The following TCF12 variants were observed in gnomAD, a reference collection of about 807,000 sequenced individuals.
The protein encoded by TCF12 is transcription factor 12, also known as DNA-binding protein HTF4.
TCF12 carries 45 observed loss-of-function variants against 86.0 expected under a neutral mutation model. The ratio of observed to expected loss-of-function variants is 0.52; its 90% CI spans 0.41 to 0.67. The LOEUF (loss-of-function observed/expected upper bound fraction) is 0.67. Among genes scored for constraint, TCF12 ranks in the 30% least tolerant of loss-of-function variants. The pLI, the probability that TCF12 is intolerant of heterozygous loss-of-function variation, is 0.00. For missense variants in TCF12, 881 were observed against 859.9 expected (o/e 1.02, Z -0.31); for synonymous variants, 330 against 299.6 (o/e 1.10, Z -1.05).
chr15:56,934,130 T>C (rs558859280), intron 3 of TCF12, among the ~76,000 whole-genome samples: 6 of 152,112 alleles, frequency 3.9e-5, no homozygotes, highest in Non-Finnish European at 8.8e-5. Context: ...TTCCAAACCA[T>C]AGAGCCCCCA....
chr15:57,049,266 T>G (rs1179374400), intron 3 of TCF12, among the ~76,000 whole-genome samples: 1 of 152,204 alleles, frequency 6.6e-6, no homozygotes, highest in African/African-American at 2.4e-5. Context: ...AACTCATAGG[T>G]TGAGCATGAG....
At chr15:57,178,446 G>C (rs1483303136) in intron 6 of TCF12, among the ~76,000 whole-genome samples, 1 of 152,084 alleles carries the variant, frequency 6.6e-6, no homozygotes, top group Non-Finnish European at 1.5e-5. Context: ...TGAGAAGAGA[G>C]GATACTTAGT....
intron 6 of TCF12, among the ~76,000 whole-genome samples, chr15:57,187,955 A>T (rs1457193560): frequency 6.6e-6 from 1 of 152,002 alleles, no homozygotes; most frequent in East Asian, 1.9e-4. Flanking sequence ...TAAAAAATAA[A>T]CAGATTAGCT....
intron 6 of TCF12, among the ~76,000 whole-genome samples, chr15:57,170,002 T>A (rs1358609000): frequency 2.6e-5 from 4 of 152,240 alleles, no homozygotes; most frequent in Non-Finnish European, 5.9e-5. Context: ...TTTGCTACCA[T>A]TTGCTGAGCA....
intron 6 of TCF12, among the ~76,000 whole-genome samples, chr15:57,188,884 C>T (rs908940236): frequency 2.6e-5 from 4 of 152,194 alleles, no homozygotes; most frequent in Non-Finnish European, 4.4e-5. Context: ...ACCTCCCAGG[C>T]GCCAGCGATC....
rs1183749564 is a variant in TCF12, at chr15:57,167,612, A to G, written c.390+1146A>G. ...GAGGGAAGAGAAGGAAGGGAGAAGG[A>G]AAGGAAGAAAGAGAGAGAGAAAATA... On this transcript the variant is annotated intron_variant, in intron 6 of 20. Transcript: ENST00000333725. 2.6e-5 allele frequency among the ~76,000 whole-genome samples: 4 copies of G among 152,218 alleles called. No individual in the cohort carries two copies. In the East Asian group the frequency reaches 7.7e-4, roughly 29 times the overall value.
At chr15:57,157,552 T>A (rs1198477267) in intron 5 of TCF12, among the ~76,000 whole-genome samples, 2 of 147,814 alleles carry the variant, frequency 1.4e-5, no homozygotes, top group Non-Finnish European at 3.0e-5. Context: ...ATAGTTTACT[T>A]CTTTTTTTTT....
intron 3 of TCF12, among the ~76,000 whole-genome samples, chr15:57,029,492 AT>A (rs2066019697): frequency 1.3e-5 from 2 of 152,048 alleles, no homozygotes; most frequent in Non-Finnish European, 2.9e-5. Context: ...TATTTGTTTT[AT>A]TTTTTACTAT....
At chr15:57,231,074 A>G in intron 8 of TCF12, 78 bp from the exon 9 acceptor site, 1 of 1,121,430 alleles carries the variant, frequency 8.9e-7, no homozygotes, top group East Asian at 2.4e-5. Flanking sequence ...TAAGCCCCTT[A>G]CAGAATATAG....
At chr15:57,047,514 A>G (rs977270213) in intron 3 of TCF12, among the ~76,000 whole-genome samples, 4 of 152,264 alleles carry the variant, frequency 2.6e-5, no homozygotes, top group African/African-American at 9.6e-5. Flanking sequence ...TAATGGGGGT[A>G]GATGAGCAAA....
At chr15:57,087,700 T>C (rs1388376695) in intron 4 of TCF12, among the ~76,000 whole-genome samples, 2 of 152,158 alleles carry the variant, frequency 1.3e-5, no homozygotes, top group African/African-American at 4.8e-5. Flanking sequence ...TTAATGGTTT[T>C]TGTAATCTTG....
At chr15:56,946,952 C>T (rs1212417217) in intron 3 of TCF12, among the ~76,000 whole-genome samples, 1 of 151,978 alleles carries the variant, frequency 6.6e-6, no homozygotes, top group Admixed American at 6.6e-5. Context: ...CGTATGCCAC[C>T]ACATCCAGCT....
intron 3 of TCF12, among the ~76,000 whole-genome samples, chr15:56,950,902 A>C (rs1406689692): frequency 6.6e-6 from 1 of 151,674 alleles, no homozygotes; most frequent in African/African-American, 2.4e-5. Context: ...GATTATAGGC[A>C]TGTACCACCA....
chr15:56,937,851 C>T (rs1421323270), intron 3 of TCF12, among the ~76,000 whole-genome samples: 1 of 152,080 alleles, frequency 6.6e-6, no homozygotes, highest in Non-Finnish European at 1.5e-5. Flanking sequence ...TGGTGTATCA[C>T]ATTTATTGAC....
chr15:56,920,997 C>CT, intron 2 of TCF12, 29 bp from the exon 3 acceptor site: 1 of 1,554,232 alleles, frequency 6.4e-7, no homozygotes, highest in Non-Finnish European at 8.7e-7. Flanking sequence ...AATTTCAGGA[C>CT]TAACAGATAT....
chr15:56,985,388 T>G (rs1327347396), intron 3 of TCF12, among the ~76,000 whole-genome samples: 1 of 152,204 alleles, frequency 6.6e-6, no homozygotes. Context: ...ACTAAAATTG[T>G]GAGTCAGAAG....
In TCF12 at chr15:57,053,207, T is replaced by C. The variant is rs76881775; in HGVS notation, c.149-10543T>C. ...CTTACTGTGATTTTGATTCATATTTTCCTGATATGTATGATGCCGAGCAGC... is the reference window on the plus strand; with the variant it reads ...CTTACTGTGATTTTGATTCATATTTCCCTGATATGTATGATGCCGAGCAGC... On this transcript the variant is annotated intron_variant, in intron 3 of 20. Transcript: ENST00000333725. Among the ~76,000 whole-genome samples, 749 of 152,328 alleles carry C rather than the reference T, an allele frequency of 4.9e-3. 38 individuals are homozygous for C. The East Asian group carries it at 0.1, about 21-fold the overall frequency.
At chr15:57,202,897 T>C (rs1458859455) in intron 8 of TCF12, among the ~76,000 whole-genome samples, 14 of 152,200 alleles carry the variant, frequency 9.2e-5, no homozygotes, top group African/African-American at 1.7e-4. Flanking sequence ...ACTCAGTAAA[T>C]GTTCCTTCAT....
chr15:57,222,317 C>G (rs967927866), intron 8 of TCF12, among the ~76,000 whole-genome samples: 1 of 150,710 alleles, frequency 6.6e-6, no homozygotes. Context: ...AGGAAGAGAC[C>G]AAAGAACTTT....
Sources: allele counts gnomAD v4.1 joint callset (sites outside exome capture counted in the v4.1 genomes callset), GRCh38; gene constraint gnomAD v4.1.1; transcripts MANE v1.5; gene names NCBI Gene and HGNC (gene_info 2026-07-23, HGNC 2026-07-21).